The following RETREG3 variants were observed in gnomAD, a reference collection of about 807,000 sequenced individuals.
The protein encoded by RETREG3 is reticulophagy regulator 3.
In RETREG3, 23 loss-of-function variants were observed where a neutral mutation model predicts 50.2. The observed-to-expected ratio is 0.46, with a 90% CI of 0.33 to 0.65. RETREG3 has a LOEUF of 0.65. RETREG3 is among the 30% of genes least tolerant of loss of function. RETREG3 has a pLI of 0.02. For synonymous variants in RETREG3, 240 were observed against 234.4 expected (o/e 1.02, Z -0.22); for missense variants, 546 against 598.0 (o/e 0.91, Z 0.91).
At position 42,609,026 on chromosome 17, in the gene RETREG3, G is replaced by C. The variant is rs576542266; in HGVS notation, c.239+60C>G. The stretch of plus-strand genomic sequence containing the variant: ...GAAAACAGGGCAGGCGAGAAGTAGA[G>C]CCCTAGAGGAACCAACGAATTCGGG... On this transcript the variant is annotated intron_variant, in intron 1 of 8. Coordinates refer to ENST00000309428, the MANE Select transcript of RETREG3 (RefSeq NM_178126.4). The C allele has an allele frequency of 2.6e-6, 4 of 1,523,736 alleles. No homozygotes were observed. In the African/African-American group the frequency reaches 4.1e-5, roughly 16 times the overall value. 94.4% of individuals were successfully genotyped at this position (1,523,736 alleles called of 1,614,324 possible).
Position 42,604,684 on chromosome 17 carries a change from G to A in RETREG3, c.239+4402C>T, listed in dbSNP as rs1032639366. Among the ~76,000 whole-genome samples, 7 of 100,376 alleles carry A rather than the reference G, an allele frequency of 7.0e-5. No homozygotes were observed. In the East Asian group the frequency reaches 9.1e-4, roughly 13 times the overall value. 65.9% of individuals were successfully genotyped at this position (100,376 alleles called of 152,430 possible). On this transcript the variant is annotated intron_variant, in intron 1 of 8. Transcript: ENST00000309428. The stretch of plus-strand genomic sequence containing the variant: ...GACCCTGTCCAGCCCAACAACCCCC[G>A]ATTCCCCAGCAAAAAAAAAAAAAAA...
intron 3 of RETREG3, among the ~76,000 whole-genome samples, chr17:42,587,117 A>G (rs1364977001): frequency 6.6e-6 from 1 of 152,218 alleles, no homozygotes; most frequent in Non-Finnish European, 1.5e-5. Flanking sequence ...ATGAGCAAGC[A>G]GCCCAATCCA....
chr17:42,585,337 A>T (rs913626424), intron 5 of RETREG3, 75 bp from the exon 6 acceptor site: 1 of 1,570,624 alleles, frequency 6.4e-7, no homozygotes, highest in Admixed American at 1.8e-5. Context: ...TAGCGCTGCT[A>T]TTGGTCCTTA....
intron 1 of RETREG3, chr17:42,608,827 A>G: frequency 2.0e-6 from 1 of 512,640 alleles, no homozygotes; most frequent in Middle Eastern, 5.1e-4. Flanking sequence ...GCGGCTCAAG[A>G]TGTTACCAGA....
chr17:42,592,720 G>A (rs1176472206), intron 1 of RETREG3, among the ~76,000 whole-genome samples: 2 of 152,208 alleles, frequency 1.3e-5, no homozygotes, highest in Non-Finnish European at 2.9e-5. Context: ...GGGAGGCTGA[G>A]ACAGGTGGAT....
chr17:42,594,732 T>A (rs2143399530), intron 1 of RETREG3, among the ~76,000 whole-genome samples: 1 of 151,442 alleles, frequency 6.6e-6, no homozygotes, highest in Non-Finnish European at 1.5e-5. Flanking sequence ...GTGCCTGTAG[T>A]CCCAGCTACT....
chr17:42,606,795 G>A (rs1597745122), intron 1 of RETREG3, among the ~76,000 whole-genome samples: 1 of 151,942 alleles, frequency 6.6e-6, no homozygotes, highest in East Asian at 1.9e-4. Context: ...TCAGGAGTTT[G>A]AGACGAGCCT....
At position 42,585,187 on chromosome 17, in the gene RETREG3, G is replaced by C. The variant is rs753920561; in HGVS notation, c.665C>G (p.Ala222Gly). 6.2e-7 allele frequency: 1 copy of C among 1,613,928 alleles called. No individual in the cohort carries two copies. Among genetic ancestry groups the C allele is most frequent in the Non-Finnish European group, 8.5e-7 (1 of 1,180,040 alleles). The part of the protein sequence containing the change: ...WDRAYVRLKP[A>G]LQRLDFSVRG... ...GACACTGAAGTCTAGCCGCTGCAGA[G>C]CTGGCTTCAGCCGCACATATGCTCG... Residue 222 changes from alanine to glycine, a missense_variant, in exon 6 of 9, where the codon GCT (alanine) becomes GGT (glycine). By Grantham distance (60) the Ala-to-Gly change is moderately conservative. Coordinates refer to ENST00000309428, the MANE Select transcript of RETREG3 (RefSeq NM_178126.4).
chr17:42,583,394 G>T, intron 7 of RETREG3, 104 bp downstream of exon 7: 2 of 973,894 alleles, frequency 2.1e-6, no homozygotes, highest in Non-Finnish European at 1.5e-6. Flanking sequence ...AACAAGGGGA[G>T]TCTAAGGCCT....
intron 1 of RETREG3, among the ~76,000 whole-genome samples, chr17:42,602,218 G>A (rs1490606661): frequency 6.6e-6 from 1 of 151,952 alleles, no homozygotes; most frequent in Admixed American, 6.6e-5. Context: ...TTGGGAGGCT[G>A]AGGCAGGAGA....
rs72826931 is a variant in RETREG3, at chr17:42,592,451, C to T, written c.240-289G>A. ...CCAGTCTATATCTCTATTAATTTCA[C>T]GGAGAAATTCATCCTTGATAACAAG... On this transcript the variant is annotated intron_variant, in intron 1 of 8. Transcript: ENST00000309428. Among the ~76,000 whole-genome samples the T allele has an allele frequency of 5.5e-3, 836 of 152,334 alleles. 4 individuals are homozygous for T. The highest frequency in any genetic ancestry group is 0.01 in the Middle Eastern group (3 of 294).
chr17:42,587,735 A>T, intron 3 of RETREG3, 99 bp downstream of exon 3: 5 of 1,446,076 alleles, frequency 3.5e-6, no homozygotes, highest in Non-Finnish European at 4.9e-6. Context: ...TTCTCAGTTT[A>T]CACTGTGTGT....
chr17:42,601,792 C>G (rs1430007055), intron 1 of RETREG3, among the ~76,000 whole-genome samples: 1 of 151,172 alleles, frequency 6.6e-6, no homozygotes, highest in Non-Finnish European at 1.5e-5. Flanking sequence ...CGCCACCATG[C>G]CCGGCTGATT....
chr17:42,603,858 T>A (rs932025154), intron 1 of RETREG3, among the ~76,000 whole-genome samples: 3 of 152,014 alleles, frequency 2.0e-5, no homozygotes, highest in Non-Finnish European at 4.4e-5. Flanking sequence ...GCGCCTGTAG[T>A]CCCAGCTACT....
intron 6 of RETREG3, 118 bp downstream of exon 6, chr17:42,585,006 AC>A: frequency 1.7e-6 from 2 of 1,148,590 alleles, no homozygotes; most frequent in Non-Finnish European, 1.2e-6. Context: ...ATCAATCCTC[AC>A]CCCCACCAAC....
intron 2 of RETREG3, among the ~76,000 whole-genome samples, chr17:42,590,514 A>T (rs1418140475): frequency 6.6e-6 from 1 of 152,042 alleles, no homozygotes; most frequent in Non-Finnish European, 1.5e-5. Context: ...TATAGAAAAA[A>T]TACAAAAATT....
At chr17:42,591,663 G>A (rs2093133521) in intron 2 of RETREG3, among the ~76,000 whole-genome samples, 2 of 152,158 alleles carry the variant, frequency 1.3e-5, no homozygotes, top group South Asian at 4.1e-4. Flanking sequence ...CTTTCTATAA[G>A]TCACAATTGC....
intron 1 of RETREG3, among the ~76,000 whole-genome samples, chr17:42,595,941 C>T (rs974774042): frequency 1.4e-4 from 22 of 151,782 alleles, no homozygotes; most frequent in Non-Finnish European, 7.4e-5. Context: ...GATTGTGAGC[C>T]TACAGTAGGT....
chr17:42,583,585 G>A lies in RETREG3; in HGVS notation c.728-5C>T, dbSNP rs965777698. 5.0e-6 allele frequency: 8 copies of A among 1,612,294 alleles called. No homozygotes were observed. The highest frequency in any genetic ancestry group is 1.7e-5 in the Admixed American group (1 of 59,914). On this transcript the variant is annotated splice_region_variant and splice_polypyrimidine_tract_variant and intron_variant, in intron 6 of 8. Coordinates refer to ENST00000309428, the MANE Select transcript of RETREG3 (RefSeq NM_178126.4). ...GGTGGAGAGCTCTGCGGCGTACTGT[G>A]GGAAGAGCACAAAGTCTTGCTTGAT...
Sources: gnomAD v4.1 joint callset for allele counts (sites outside exome capture counted in the v4.1 genomes callset) on GRCh38, gnomAD v4.1.1 for gene constraint, MANE v1.5 for transcripts, NCBI Gene and HGNC (gene_info 2026-07-23, HGNC 2026-07-21) for gene names.